Variants in PIP4K2A observed in about 807,000 individuals in gnomAD.
The protein encoded by PIP4K2A is phosphatidylinositol 5-phosphate 4-kinase type-2 alpha.
In PIP4K2A, 14 loss-of-function variants were observed where a neutral mutation model predicts 42.9. The ratio of observed to expected loss-of-function variants is 0.33; its 90% CI spans 0.22 to 0.51. The LOEUF (loss-of-function observed/expected upper bound fraction) is 0.51, where lower values mean the gene tolerates loss of function less well. Among genes scored for constraint, PIP4K2A ranks in the 20% least tolerant of loss-of-function variants. PIP4K2A has a pLI of 0.97. For missense variants in PIP4K2A, 434 were observed against 519.8 expected, an observed-to-expected ratio of 0.83 and a Z score of 1.61; for synonymous variants, 192 against 192.2, an observed-to-expected ratio of 1.00 and a Z score of 0.01.
intron 1 of PIP4K2A, among the ~76,000 whole-genome samples, chr10:22,629,393 T>C (rs1306347367): frequency 6.6e-6 from 1 of 152,214 alleles, no homozygotes; most frequent in Non-Finnish European, 1.5e-5. Context: ...CGAGTCATAC[T>C]GCAATTGGCA....
chr10:22,582,461 G>A (rs1564430144), intron 4 of PIP4K2A, among the ~76,000 whole-genome samples: 1 of 152,186 alleles, frequency 6.6e-6, no homozygotes, highest in Non-Finnish European at 1.5e-5. Flanking sequence ...TTATATCTCC[G>A]CACGATAGTG....
intron 4 of PIP4K2A, among the ~76,000 whole-genome samples, chr10:22,576,816 C>T (rs969833944): frequency 6.6e-6 from 1 of 152,144 alleles, no homozygotes; most frequent in Admixed American, 6.5e-5. Flanking sequence ...TGGCTCACAC[C>T]TGTAATCCCA....
At chr10:22,539,928 A>G (rs944692067) in intron 9 of PIP4K2A, 43 bp downstream of exon 9, 103 of 1,007,280 alleles carry the variant, frequency 1.0e-4, no homozygotes, top group Non-Finnish European at 1.4e-4. Flanking sequence ...AGAGAGAGAG[A>G]GAGGGAGAGA....
intron 1 of PIP4K2A, among the ~76,000 whole-genome samples, chr10:22,696,310 G>A (rs1839972141): frequency 6.6e-6 from 1 of 152,210 alleles, no homozygotes; most frequent in Non-Finnish European, 1.5e-5. Flanking sequence ...CTCCTCAGCT[G>A]ACATGCCCAA....
intron 1 of PIP4K2A, among the ~76,000 whole-genome samples, chr10:22,678,269 C>T (rs16922592): frequency 0.062 from 9,405 of 151,822 alleles, 444 homozygotes; most frequent in African/African-American, 0.13. Flanking sequence ...CTCGGTGATC[C>T]CATTAGGTTC....
intron 5 of PIP4K2A, chr10:22,569,136 A>G: frequency 9.9e-7 from 1 of 1,011,906 alleles, no homozygotes; most frequent in Middle Eastern, 2.0e-4. Context: ...CCTGCAATTC[A>G]CAGATGCGGA....
chr10:22,694,411 T>TA (rs2130904655), intron 1 of PIP4K2A: 1 of 152,320 alleles, frequency 6.6e-6, no homozygotes, highest in South Asian at 2.1e-4. Context: ...CTATGTAGTA[T>TA]AAAAAACAAA....
intron 3 of PIP4K2A, among the ~76,000 whole-genome samples, chr10:22,601,150 A>C (rs1473084541): frequency 1.4e-5 from 2 of 142,058 alleles, no homozygotes; most frequent in East Asian, 4.1e-4. Flanking sequence ...AAAAAAAAAA[A>C]AAAAAAAAAA....
intron 1 of PIP4K2A, chr10:22,642,199 T>C (rs940808165): frequency 3.9e-5 from 6 of 152,224 alleles, no homozygotes; most frequent in Non-Finnish European, 7.3e-5. Context: ...GCCTCCAGAA[T>C]GCACCCTCGG....
chr10:22,566,605 G>C (rs895499766), intron 6 of PIP4K2A, among the ~76,000 whole-genome samples: 1 of 152,076 alleles, frequency 6.6e-6, no homozygotes, highest in Non-Finnish European at 1.5e-5. Flanking sequence ...TACTTCATCA[G>C]CCTCTCTGAC....
intron 1 of PIP4K2A, among the ~76,000 whole-genome samples, chr10:22,685,534 A>C (rs892628981): frequency 3.3e-5 from 5 of 151,758 alleles, no homozygotes; most frequent in Non-Finnish European, 5.9e-5. Context: ...TTTTCTATAA[A>C]AAACAAACAA....
chr10:22,615,894 CT>C (rs1324133890), intron 1 of PIP4K2A, among the ~76,000 whole-genome samples: 3 of 152,170 alleles, frequency 2.0e-5, no homozygotes, highest in Non-Finnish European at 2.9e-5. Context: ...CACAGAGTGG[CT>C]GGAGCCTGGG....
intron 3 of PIP4K2A, among the ~76,000 whole-genome samples, chr10:22,599,987 G>C (rs563596957): frequency 6.7e-6 from 1 of 149,996 alleles, no homozygotes; most frequent in East Asian, 1.9e-4. Flanking sequence ...GTTTATTTCC[G>C]CAGTCGGAGG....
chr10:22,576,779 A>G (rs1219481513), intron 4 of PIP4K2A, among the ~76,000 whole-genome samples: 1 of 152,122 alleles, frequency 6.6e-6, no homozygotes, highest in Non-Finnish European at 1.5e-5. Flanking sequence ...CACTCTCAAT[A>G]TTCATTCATA....
intron 1 of PIP4K2A, among the ~76,000 whole-genome samples, chr10:22,674,027 T>C (rs1396182231): frequency 6.6e-6 from 1 of 152,164 alleles, no homozygotes; most frequent in Non-Finnish European, 1.5e-5. Flanking sequence ...TCTTCAGCAA[T>C]GTGTGTGTGT....
chr10:22,695,387 G>A (rs1178459297), intron 1 of PIP4K2A, among the ~76,000 whole-genome samples: 2 of 152,008 alleles, frequency 1.3e-5, no homozygotes, highest in East Asian at 3.9e-4. Flanking sequence ...ATACCTGTAG[G>A]TAAATTAGTG....
At chr10:22,567,830 G>A in intron 6 of PIP4K2A, 21 bp downstream of exon 6, 2 of 1,601,670 alleles carry the variant, frequency 1.2e-6, no homozygotes. Context: ...GACATGGGGA[G>A]ACATACAGCA....
intron 1 of PIP4K2A, among the ~76,000 whole-genome samples, chr10:22,613,702 T>A (rs575709551): frequency 5.5e-4 from 84 of 152,226 alleles, no homozygotes; most frequent in Non-Finnish European, 9.1e-4. Flanking sequence ...GAGCTGAGCG[T>A]CATCCACAGT....
intron 6 of PIP4K2A, among the ~76,000 whole-genome samples, chr10:22,559,525 T>G (rs1388929852): frequency 6.6e-6 from 1 of 152,188 alleles, no homozygotes; most frequent in Non-Finnish European, 1.5e-5. Flanking sequence ...CTGCATGTGA[T>G]CCTCTCTTTT....
Sources: gnomAD v4.1 joint callset for allele counts (sites outside exome capture counted in the v4.1 genomes callset) on GRCh38, gnomAD v4.1.1 for gene constraint, MANE v1.5 for transcripts, NCBI Gene and HGNC (gene_info 2026-07-23, HGNC 2026-07-21) for gene names.